The following RNF111 variants were observed in gnomAD, a reference collection of about 807,000 sequenced individuals.
The protein encoded by RNF111 is ring finger protein 111, also known as E3 ubiquitin-protein ligase Arkadia.
Under a neutral mutation model 95.1 loss-of-function variants are expected in RNF111, and 17 were observed. The observed-to-expected ratio is 0.18, with a 90% CI of 0.12 to 0.27. The LOEUF (loss-of-function observed/expected upper bound fraction) is 0.27, where lower values mean the gene tolerates loss of function less well. RNF111 is among the 10% of genes least tolerant of loss of function. The pLI is 1.00. For synonymous variants in RNF111, 440 were observed against 414.8 expected, an observed-to-expected ratio of 1.06 and a Z score of -0.74; for missense variants, 1,189 against 1,210.4, an observed-to-expected ratio of 0.98 and a Z score of 0.26.
In RNF111 at chr15:59,089,675, T is replaced by C. The variant is rs758823892; in HGVS notation, c.2559T>C (p.Asp853=). 2.5e-6 allele frequency: 4 copies of C among 1,612,878 alleles called. No homozygotes were observed. In the East Asian group the frequency reaches 6.7e-5, roughly 27 times the overall value. ...QLGALPLMVP[D]MAGYPHIRYI... is the part of the protein sequence containing the mutation. ...CTCTTCTGTTGAAATAGGTTCCTGA[T>C]ATGGCAGGCTATCCTCACATCCGTT... Residue 853 remains aspartate (D), a synonymous_variant, in exon 11 of 14, where the codon GAT becomes GAC. Transcript: ENST00000348370.
At chr15:59,029,808 A>G (rs2040815537) in intron 1 of RNF111, among the ~76,000 whole-genome samples, 2 of 152,218 alleles carry the variant, frequency 1.3e-5, no homozygotes, top group African/African-American at 2.4e-5. Flanking sequence ...TGTGCCAGTT[A>G]CATAGAGGTG....
intron 1 of RNF111, among the ~76,000 whole-genome samples, chr15:59,019,105 A>ATTTTTTTTTT (rs35154303): frequency 2.6e-3 from 317 of 121,190 alleles, no homozygotes; most frequent in Middle Eastern, 9.0e-3. Flanking sequence ...GTATTTTTGT[A>ATTTTTTTTTT]TTTTTTTTTT....
At chr15:59,063,101 G>C (rs1460915686) in intron 5 of RNF111, among the ~76,000 whole-genome samples, 3 of 152,092 alleles carry the variant, frequency 2.0e-5, no homozygotes. Flanking sequence ...GCTTCCTTAA[G>C]GGCCAAAGAG....
intron 6 of RNF111, among the ~76,000 whole-genome samples, chr15:59,068,803 G>A (rs1474997641): frequency 3.3e-5 from 5 of 152,072 alleles, no homozygotes; most frequent in South Asian, 2.1e-4. Context: ...AGGGCTGGGC[G>A]CGGTGGCTCA....
intron 2 of RNF111, among the ~76,000 whole-genome samples, chr15:59,040,589 C>T (rs751760597): frequency 6.6e-6 from 1 of 152,168 alleles, no homozygotes; most frequent in Non-Finnish European, 1.5e-5. Context: ...ACTGAAAACT[C>T]TGATTCTTAA....
At chr15:59,070,717 AC>A (rs2042885522) in intron 6 of RNF111, among the ~76,000 whole-genome samples, 1 of 151,942 alleles carries the variant, frequency 6.6e-6, no homozygotes, top group Admixed American at 6.6e-5. Flanking sequence ...GTATCATCAC[AC>A]CCCTTTCCTT....
At position 59,081,258 on chromosome 15, in the gene RNF111, AAGG is replaced by A; in HGVS notation, c.2279_2281del (p.Arg760del). On this transcript the variant is annotated inframe_deletion, in exon 8 of 14. Coordinates refer to ENST00000348370, the MANE Select transcript of RNF111 (RefSeq NM_017610.8). ...AAGTGATGCAGAGGATGGAAGTTCA[AAGG>A]AGGAGGATGATGCAGCATCCAACGT... 2.5e-6 allele frequency: 4 copies of A among 1,614,052 alleles called. No individual in the cohort carries two copies. Among genetic ancestry groups the A allele is most frequent in the Non-Finnish European group, 3.4e-6 (4 of 1,180,004 alleles).
chr15:59,043,213 G>A (rs537425051), intron 2 of RNF111, among the ~76,000 whole-genome samples: 2 of 150,670 alleles, frequency 1.3e-5, no homozygotes, highest in African/African-American at 2.4e-5. Flanking sequence ...GGAGTGCAGT[G>A]GTGCGATCTC....
rs751587923 is a variant in RNF111 at position 59,094,752 on chromosome 15, T to G, written c.2844-31T>G. The stretch of plus-strand genomic sequence containing the variant: ...CTACGTACAATTATCATAAAATTAA[T>G]TTTTGCTTTTTGTTTTCTTGCCAAT... On this transcript the variant is annotated intron_variant, in intron 13 of 13. Transcript: ENST00000348370. 8 of 1,212,750 alleles carry G rather than the reference T, an allele frequency of 6.6e-6. No homozygotes were observed. The Admixed American group carries it at 1.3e-4, about 20-fold the overall frequency. 75.1% of individuals were successfully genotyped at this position (1,212,750 alleles called of 1,614,324 possible).
At position 59,054,725 on chromosome 15, in the gene RNF111, G is replaced by A. The variant is rs868006060; in HGVS notation, c.1008-957G>A. ...GTTCAAGTTGGGCTGAAAATGTTGA[G>A]GCCATTTTCAGCCCACTTTGACCTT... On this transcript the variant is annotated intron_variant, in intron 3 of 13. Transcript: ENST00000348370. Among the ~76,000 whole-genome samples the A allele has an allele frequency of 3.9e-4, 60 of 152,130 alleles. 1 individual carries two copies. The highest frequency in any genetic ancestry group is 3.4e-3 in the Middle Eastern group (1 of 294).
chr15:59,017,843 C>T (rs1567214429), intron 1 of RNF111, among the ~76,000 whole-genome samples: 1 of 150,628 alleles, frequency 6.6e-6, no homozygotes, highest in East Asian at 2.0e-4. Context: ...CTGCAACCTC[C>T]ACTTCCTGGG....
chr15:59,067,087 T>C lies in RNF111; in HGVS notation c.1686+4T>C. The C allele has an allele frequency of 6.2e-7, 1 of 1,610,592 alleles. No homozygotes were observed. Among genetic ancestry groups the C allele is most frequent in the East Asian group, 2.2e-5 (1 of 44,826 alleles). On this transcript the variant is annotated splice_donor_region_variant and intron_variant, in intron 6 of 13. Transcript: ENST00000348370. ...TGGTACCAGCTATCATGAACAGGTA[T>C]GTGGAATTTGAGTCAGTCTTTCTTT...
chr15:59,041,126 C>T (rs1315315027), intron 2 of RNF111, among the ~76,000 whole-genome samples: 1 of 152,100 alleles, frequency 6.6e-6, no homozygotes, highest in Non-Finnish European at 1.5e-5. Context: ...CTCCGTATAT[C>T]TCATTTCTTT....
intron 1 of RNF111, among the ~76,000 whole-genome samples, chr15:58,992,476 A>C (rs2038862159): frequency 1.3e-5 from 2 of 152,192 alleles, no homozygotes; most frequent in South Asian, 4.1e-4. Flanking sequence ...GGTATTAATA[A>C]TATTGTTCTC....
intron 1 of RNF111, among the ~76,000 whole-genome samples, chr15:58,991,018 G>T (rs2038791393): frequency 6.6e-6 from 1 of 152,006 alleles, no homozygotes; most frequent in South Asian, 2.1e-4. Flanking sequence ...AGCTGAGGCT[G>T]GGTGCGCTTG....
intron 1 of RNF111, among the ~76,000 whole-genome samples, chr15:59,016,547 T>G (rs2040076504): frequency 1.3e-5 from 2 of 152,222 alleles, no homozygotes; most frequent in African/African-American, 4.8e-5. Flanking sequence ...CTGTAATTAT[T>G]TGAATAATTG....
chr15:59,051,250 G>A (rs1018023146), intron 2 of RNF111, among the ~76,000 whole-genome samples: 15 of 148,996 alleles, frequency 1.0e-4, no homozygotes, highest in Admixed American at 2.7e-4. Flanking sequence ...TCAGGAGATC[G>A]CGACCATCCT....
At chr15:59,053,536 G>A (rs2042079746) in intron 3 of RNF111, among the ~76,000 whole-genome samples, 1 of 152,106 alleles carries the variant, frequency 6.6e-6, no homozygotes, top group South Asian at 2.1e-4. Context: ...TGCCATTTTA[G>A]CATCGAAGTG....
At chr15:59,008,074 A>G (rs535084223) in intron 1 of RNF111, among the ~76,000 whole-genome samples, 67 of 152,310 alleles carry the variant, frequency 4.4e-4, no homozygotes, top group African/African-American at 1.5e-3. Context: ...ATCTTTGCCC[A>G]TGATATAATC....
Sources: allele counts gnomAD v4.1 joint callset (sites outside exome capture counted in the v4.1 genomes callset), GRCh38; gene constraint gnomAD v4.1.1; transcripts MANE v1.5; gene names NCBI Gene and HGNC (gene_info 2026-07-23, HGNC 2026-07-21).